ALDH16A1: variants seen among roughly 807,000 people sequenced by gnomAD.
The protein encoded by ALDH16A1 is aldehyde dehydrogenase 16 family member A1, also known as aldehyde dehydrogenase family 16 member A1.
ALDH16A1 carries 88 observed loss-of-function variants against 96.1 expected under a neutral mutation model. That is an observed-to-expected ratio of 0.92 (90% confidence interval 0.77 to 1.09). The LOEUF (loss-of-function observed/expected upper bound fraction) is 1.09. Ranked by LOEUF, ALDH16A1 falls within the 50% of genes least tolerant of loss-of-function variation. The probability of loss-of-function intolerance (pLI) is 0.00; values close to 1 mark genes in which losing one functional copy is unlikely to be tolerated. For synonymous variants in ALDH16A1, 522 were observed against 496.4 expected (o/e 1.05, Z -0.69); for missense variants, 1,250 against 1,112.6 (o/e 1.12, Z -1.76).
In ALDH16A1 at chr19:49,468,201, C is replaced by A; in HGVS notation, c.1939-180C>A. On this transcript the variant is annotated intron_variant, in intron 14 of 16. Transcript: ENST00000293350. This position sits in a 1 kb window ranked among gnomAD's most constrained non-coding sequence, Gnocchi z 4.4. ...AAAGGCGGTTATGCAGGATGTTTCT[C>A]ACCGCCCGAACCCCCGTGGAATGAT... 1.7e-6 allele frequency: 1 copy of A among 575,762 alleles called. No homozygotes were observed. Among genetic ancestry groups the A allele is most frequent in the Admixed American group, 3.2e-5 (1 of 31,182 alleles). The allele number at this position is 575,762 out of a possible 1,614,324, so 35.7% of individuals were successfully genotyped here.
chr19:49,459,913 TC>T lies in ALDH16A1; in HGVS notation c.499+66del. On this transcript the variant is annotated intron_variant, in intron 4 of 16. Coordinates refer to ENST00000293350, the MANE Select transcript of ALDH16A1 (RefSeq NM_153329.4). The surrounding 1 kb of genome is among the most constrained non-coding windows in gnomAD (Gnocchi z 4.1). ...CTCAGCAGTGCTAGCTCCAGTCCCCTCATTCTTTTTCTTTTAGACAGAGTTT... is the reference window on the plus strand; with the variant it reads ...CTCAGCAGTGCTAGCTCCAGTCCCCTATTCTTTTTCTTTTAGACAGAGTTT... The T allele has an allele frequency of 6.6e-7, 1 of 1,510,838 alleles. No individual in the cohort carries two copies. The highest frequency in any genetic ancestry group is 8.9e-7 in the Non-Finnish European group (1 of 1,128,374). The allele number at this position is 1,510,838 out of a possible 1,614,324, so 93.6% of individuals were successfully genotyped here. A position where few individuals can be genotyped will look rare whatever the true frequency, so the allele number is the denominator to read the frequency against.
Position 49,462,754 on chromosome 19 carries a change from A to G in ALDH16A1, c.1097A>G (p.Gln366Arg). ...FVREAQSQGAQVFQAGDVPSE... is the reference protein window; with the variant it reads ...FVREAQSQGARVFQAGDVPSE... ...CGTGAGGCCCAGAGCCAGGGTGCAC[A>G]GGTGAGGCAGGGGGTAGAGACTTGA... Residue 366 changes from glutamine to arginine, a missense_variant and splice_region_variant, in exon 8 of 17, where the codon CAG (glutamine) becomes CGG (arginine). Transcript: ENST00000293350. 1 of 1,575,708 alleles carries G rather than the reference A, an allele frequency of 6.3e-7. No homozygotes were observed. The highest frequency in any genetic ancestry group is 8.6e-7 in the Non-Finnish European group (1 of 1,162,552).
Position 49,468,155 on chromosome 19 carries a change from G to A in ALDH16A1, c.1939-226G>A, listed in dbSNP as rs960616436. 44 of 462,936 alleles carry A rather than the reference G, an allele frequency of 9.5e-5. No individual in the cohort carries two copies. The highest frequency in any genetic ancestry group is 1.3e-4 in the Non-Finnish European group (36 of 269,768). 28.7% of individuals were successfully genotyped at this position (462,936 alleles called of 1,614,324 possible). A position where few individuals can be genotyped will look rare whatever the true frequency, so the allele number is the denominator to read the frequency against. On this transcript the variant is annotated intron_variant, in intron 14 of 16. Coordinates refer to ENST00000293350, the MANE Select transcript of ALDH16A1 (RefSeq NM_153329.4). The surrounding 1 kb of genome is among the most constrained non-coding windows in gnomAD (Gnocchi z 4.4). ...AGCCAGGGCGACAGAGTGAGAGTCCGTCTCAAAAAAAAAAAAAAAGAAAGG... is the reference window on the plus strand; with the variant it reads ...AGCCAGGGCGACAGAGTGAGAGTCCATCTCAAAAAAAAAAAAAAAGAAAGG...
chr19:49,468,470 C>T lies in ALDH16A1; in HGVS notation c.2028C>T (p.Ala676=), dbSNP rs377195691. ...GTCCGGACGAGTGGCCCCTGCTTGCCTTCGTGTCCCTGCTGGCTCCCGCCC... is the reference window on the plus strand; with the variant it reads ...GTCCGGACGAGTGGCCCCTGCTTGCTTTCGTGTCCCTGCTGGCTCCCGCCC... ...VVCPDEWPLL[A]FVSLLAPALA... The change falls in exon 15 of 17, where the codon GCC becomes GCT. Residue 676 remains alanine (A), a synonymous_variant. Coordinates refer to ENST00000293350, the MANE Select transcript of ALDH16A1 (RefSeq NM_153329.4). The surrounding 1 kb of genome is among the most constrained non-coding windows in gnomAD (Gnocchi z 4.4). 1.9e-6 allele frequency: 3 copies of T among 1,602,504 alleles called. No individual in the cohort carries two copies. The highest frequency in any genetic ancestry group is 2.7e-5 in the African/African-American group (2 of 74,882).
chr19:49,462,120 C>A, intron 7 of ALDH16A1, 84 bp downstream of exon 7: 2 of 1,415,530 alleles, frequency 1.4e-6, no homozygotes, highest in Non-Finnish European at 9.2e-7. Flanking sequence ...AGTCTCTGTT[C>A]ATTTTATTTT....
In ALDH16A1 at chr19:49,458,607, T is replaced by C. The variant is rs1331919827; in HGVS notation, c.193+19T>C. ...ATCACAGGTACGAGATGTCCCCCAGTCATTAGTGGAAGGGAGGTATCTGTG... is the reference window on the plus strand; with the variant it reads ...ATCACAGGTACGAGATGTCCCCCAGCCATTAGTGGAAGGGAGGTATCTGTG... On this transcript the variant is annotated intron_variant, in intron 2 of 16. Coordinates refer to ENST00000293350, the MANE Select transcript of ALDH16A1 (RefSeq NM_153329.4). The C allele has an allele frequency of 2.6e-6, 4 of 1,550,922 alleles. No homozygotes were observed. Among genetic ancestry groups the C allele is most frequent in the Non-Finnish European group, 3.5e-6 (4 of 1,145,334 alleles).
At chr19:49,460,951 T>A in intron 5 of ALDH16A1, 52 bp downstream of exon 5, 1 of 1,569,436 alleles carries the variant, frequency 6.4e-7, no homozygotes, top group South Asian at 1.1e-5. Context: ...AAGGAGGGGA[T>A]CGTGGGGCCC....
rs753009340 is a variant in ALDH16A1 at position 49,459,598 on chromosome 19, T to C, written c.321-72T>C. 140 of 1,501,112 alleles carry C rather than the reference T, an allele frequency of 9.3e-5. No homozygotes were observed. Among genetic ancestry groups the C allele is most frequent in the Non-Finnish European group, 1.2e-4 (135 of 1,125,698 alleles). 93.0% of individuals were successfully genotyped at this position (1,501,112 alleles called of 1,614,324 possible). A position where few individuals can be genotyped will look rare whatever the true frequency, so the allele number is the denominator to read the frequency against. ...GCTCATGGGGATTGTAGTCCAGGTA[T>C]ATAGGAGCAGCCCAGGACTCTGCAA... On this transcript the variant is annotated intron_variant, in intron 3 of 16. Coordinates refer to ENST00000293350, the MANE Select transcript of ALDH16A1 (RefSeq NM_153329.4). The surrounding 1 kb of genome is among the most constrained non-coding windows in gnomAD (Gnocchi z 4.1).
In ALDH16A1 at chr19:49,468,400, C is replaced by T. The variant is rs1212281963; in HGVS notation, c.1958C>T (p.Pro653Leu). The change falls in exon 15 of 17, where the codon CCT (proline) becomes CTT (leucine). Residue 653 changes from proline to leucine, a missense_variant. Pro to Leu is a moderately conservative substitution (Grantham distance 98). Coordinates refer to ENST00000293350, the MANE Select transcript of ALDH16A1 (RefSeq NM_153329.4). The surrounding 1 kb of genome is among the most constrained non-coding windows in gnomAD (Gnocchi z 4.4). ...CTGCAGGTAGCCGGGCTGAGAGGCC[C>T]TGTGCTGCGCCTGCGGGAGCCGCTG... Reference protein sequence around the residue: ...HTLQVAGLRGPVLRLREPLGV... With the variant: ...HTLQVAGLRGLVLRLREPLGV... The T allele has an allele frequency of 2.5e-6, 4 of 1,599,838 alleles. No homozygotes were observed. In the East Asian group the frequency reaches 8.9e-5, roughly 36 times the overall value.
intron 4 of ALDH16A1, 52 bp from the exon 5 acceptor site, chr19:49,460,770 G>T (rs1330336562): frequency 2.6e-6 from 4 of 1,526,408 alleles, no homozygotes; most frequent in South Asian, 2.2e-5. Context: ...GCCCAGGCTG[G>T]ACTTAAACAC....
chr19:49,467,555 C>T (rs2079209168), intron 14 of ALDH16A1, among the ~76,000 whole-genome samples: 1 of 151,408 alleles, frequency 6.6e-6, no homozygotes, highest in Non-Finnish European at 1.5e-5. Flanking sequence ...CCACCACACC[C>T]GGCTAATTTT....
chr19:49,463,830 C>T (rs1292007858), intron 8 of ALDH16A1, 24 bp from the exon 9 acceptor site: 1 of 1,605,776 alleles, frequency 6.2e-7, no homozygotes, highest in Admixed American at 1.7e-5. Flanking sequence ...CAGAAGTCGA[C>T]TTCTAGATCA....
intron 6 of ALDH16A1, 24 bp from the exon 7 acceptor site, chr19:49,461,860 G>A (rs778923368): frequency 1.3e-5 from 20 of 1,594,536 alleles, no homozygotes; most frequent in Admixed American, 1.2e-4. Context: ...CTCCTCCTGC[G>A]GCTGAACTGG....
Position 49,461,731 on chromosome 19 carries a change from T to C in ALDH16A1, c.690T>C (p.Pro230=). ...GAATCCTGAATGTCCTCAGTGGCCC[T>C]GCGTCCCTGGTGCCCATCCTGGCCT... is the stretch of plus-strand genomic sequence containing the variant. ...FPGILNVLSG[P]ASLVPILASQ... The change falls in exon 6 of 17, where the codon CCT becomes CCC. Residue 230 remains proline, a synonymous_variant. Transcript: ENST00000293350. 1.2e-6 allele frequency: 2 copies of C among 1,610,066 alleles called. No homozygotes were observed. The highest frequency in any genetic ancestry group is 2.2e-5 in the East Asian group (1 of 44,750).
chr19:49,457,383 T>C (rs1486372124), intron 1 of ALDH16A1, among the ~76,000 whole-genome samples: 1 of 150,886 alleles, frequency 6.6e-6, no homozygotes, highest in African/African-American at 2.4e-5. Flanking sequence ...CCATCTCTAC[T>C]AAAAATACAA....
Position 49,459,791 on chromosome 19 carries a change from T to G in ALDH16A1, c.442T>G (p.Tyr148Asp). Residue 148 changes from tyrosine to aspartate, a missense_variant, in exon 4 of 17, where the codon TAC becomes GAC. By Grantham distance (160) the Tyr-to-Asp change is radical (BLOSUM62 -3). Coordinates refer to ENST00000293350, the MANE Select transcript of ALDH16A1 (RefSeq NM_153329.4). The surrounding 1 kb of genome is among the most constrained non-coding windows in gnomAD (Gnocchi z 4.1). ...CCAGCTGGCCCAGCAGCTGCTCCAC[T>G]ACCATGCAATCCAGGCATCCACCCA... ...DVQLAQQLLH[Y>D]HAIQASTQEE... is the part of the protein sequence containing the mutation. 2.5e-6 allele frequency: 4 copies of G among 1,613,512 alleles called. No homozygotes were observed. The highest frequency in any genetic ancestry group is 3.4e-6 in the Non-Finnish European group (4 of 1,179,876).
chr19:49,453,780 G>A (rs1193588401), intron 1 of ALDH16A1, among the ~76,000 whole-genome samples: 1 of 152,038 alleles, frequency 6.6e-6, no homozygotes, highest in African/African-American at 2.4e-5. Context: ...AGGCTCCAGT[G>A]ACCCACAACC....
chr19:49,464,753 T>C lies in ALDH16A1; in HGVS notation c.1559T>C (p.Ile520Thr), dbSNP rs750231212. ...VPSTLPAGPE[I>T]GPSPAPPYGL... Reference sequence around the variant, plus strand: ...TCAACCCTGCCGGCTGGGCCTGAAATAGGGCCCAGGTGAGTCGTTGGGGGC... The same window carrying C: ...TCAACCCTGCCGGCTGGGCCTGAAACAGGGCCCAGGTGAGTCGTTGGGGGC... The change falls in exon 12 of 17, where the codon ATA becomes ACA. Residue 520 changes from isoleucine to threonine, a missense_variant. Coordinates refer to ENST00000293350, the MANE Select transcript of ALDH16A1 (RefSeq NM_153329.4). The C allele has an allele frequency of 1.2e-5, 19 of 1,613,940 alleles. No homozygotes were observed. Among genetic ancestry groups the C allele is most frequent in the Non-Finnish European group, 1.5e-5 (18 of 1,179,968 alleles).
chr19:49,457,093 A>C (rs1266247307), intron 1 of ALDH16A1, among the ~76,000 whole-genome samples: 1 of 150,578 alleles, frequency 6.6e-6, no homozygotes, highest in East Asian at 2.0e-4. Context: ...GGGAGACAAG[A>C]GCAAGACTCC....
Sources: allele counts gnomAD v4.1 joint callset (sites outside exome capture counted in the v4.1 genomes callset), GRCh38; gene constraint gnomAD v4.1.1; non-coding constraint Gnocchi (gnomAD v3.1); transcripts MANE v1.5; gene names NCBI Gene and HGNC (gene_info 2026-07-23, HGNC 2026-07-21).